The following SPAG16 variants were observed in gnomAD, a reference collection of about 807,000 sequenced individuals.
SPAG16 encodes the protein sperm associated antigen 16, also known as sperm-associated antigen 16 protein.
In SPAG16, 86 loss-of-function variants were observed where a neutral mutation model predicts 80.4. The ratio of observed to expected loss-of-function variants is 1.07; its 90% CI spans 0.90 to 1.28. The LOEUF is 1.28. Among genes scored for constraint, SPAG16 ranks in the 50% most tolerant of loss-of-function variants. SPAG16 has a pLI of 0.00. For missense variants in SPAG16, 870 were observed against 765.3 expected (o/e 1.14, Z -1.61); for synonymous variants, 294 against 265.9 (o/e 1.11, Z -1.03).
intron 10 of SPAG16, among the ~76,000 whole-genome samples, chr2:213,627,183 G>A (rs2061990898): frequency 6.6e-6 from 1 of 152,066 alleles, no homozygotes; most frequent in African/African-American, 2.4e-5. Context: ...TAGGATAGAA[G>A]CGGGATCCTC....
At chr2:213,459,544 A>G (rs867241451) in intron 9 of SPAG16, among the ~76,000 whole-genome samples, 5 of 152,192 alleles carry the variant, frequency 3.3e-5, no homozygotes, top group Non-Finnish European at 7.3e-5. Context: ...TATTCCTTGT[A>G]TGTAGCCCTC....
chr2:214,019,527 C>T (rs770792399), intron 13 of SPAG16, among the ~76,000 whole-genome samples: 7 of 152,070 alleles, frequency 4.6e-5, no homozygotes, highest in Non-Finnish European at 1.0e-4. Context: ...TTAGCTTTGG[C>T]CAAAAGATCC....
chr2:213,835,519 TC>T (rs2074025168), intron 10 of SPAG16, among the ~76,000 whole-genome samples: 1 of 152,154 alleles, frequency 6.6e-6, no homozygotes, highest in Non-Finnish European at 1.5e-5. Flanking sequence ...TTCTCTAGAA[TC>T]CATGCTAACA....
chr2:213,820,063 C>G (rs747079962), intron 10 of SPAG16, among the ~76,000 whole-genome samples: 1 of 151,394 alleles, frequency 6.6e-6, no homozygotes, highest in South Asian at 2.1e-4. Flanking sequence ...CAGGCGTGAG[C>G]CACCGTTGTT....
intron 15 of SPAG16, among the ~76,000 whole-genome samples, chr2:214,339,709 T>C (rs946374603): frequency 6.6e-6 from 1 of 152,252 alleles, no homozygotes; most frequent in Non-Finnish European, 1.5e-5. Context: ...TTTTAGAAAC[T>C]GACACTTTAT....
intron 15 of SPAG16, among the ~76,000 whole-genome samples, chr2:214,287,085 C>T (rs1468803725): frequency 6.6e-6 from 1 of 152,172 alleles, no homozygotes; most frequent in African/African-American, 2.4e-5. Flanking sequence ...CTTATAATTA[C>T]ACCATCAGAA....
intron 4 of SPAG16, 63 bp from the exon 5 acceptor site, chr2:213,317,156 C>T: frequency 9.2e-7 from 1 of 1,088,298 alleles, no homozygotes; most frequent in Non-Finnish European, 1.3e-6. Flanking sequence ...TTGAATTGTA[C>T]ATAAATTAAG....
chr2:213,939,430 T>A (rs577644108), intron 12 of SPAG16, among the ~76,000 whole-genome samples: 3 of 152,320 alleles, frequency 2.0e-5, no homozygotes, highest in Admixed American at 2.0e-4. Flanking sequence ...CAAGGGGGTA[T>A]CACTGAGAGT....
At chr2:213,859,319 A>G (rs1257623976) in intron 10 of SPAG16, among the ~76,000 whole-genome samples, 2 of 151,628 alleles carry the variant, frequency 1.3e-5, no homozygotes, top group Non-Finnish European at 2.9e-5. Context: ...CAGCATGTAC[A>G]TCTGCACAAA....
intron 10 of SPAG16, among the ~76,000 whole-genome samples, chr2:213,554,631 A>T (rs975451009): frequency 1.3e-5 from 2 of 152,116 alleles, no homozygotes; most frequent in African/African-American, 4.8e-5. Context: ...TAAATAAGAA[A>T]AATAATAAGC....
intron 15 of SPAG16, among the ~76,000 whole-genome samples, chr2:214,165,606 A>G (rs548277986): frequency 1.4e-5 from 2 of 147,940 alleles, no homozygotes; most frequent in African/African-American, 5.0e-5. Context: ...AAACTATTCT[A>G]TAATTTTTCT....
intron 15 of SPAG16, among the ~76,000 whole-genome samples, chr2:214,271,879 A>C (rs1692051551): frequency 6.8e-6 from 1 of 147,750 alleles, no homozygotes; most frequent in East Asian, 2.1e-4. Context: ...AAAAGGAAGA[A>C]TAGCAGGAGT....
At chr2:213,625,111 A>G (rs2061917176) in intron 10 of SPAG16, among the ~76,000 whole-genome samples, 1 of 152,226 alleles carries the variant, frequency 6.6e-6, no homozygotes, top group Admixed American at 6.5e-5. Context: ...TTAATTCTAA[A>G]TGGAGTGATA....
At chr2:213,583,513 T>G (rs1043702447) in intron 10 of SPAG16, among the ~76,000 whole-genome samples, 2 of 152,162 alleles carry the variant, frequency 1.3e-5, no homozygotes, top group African/African-American at 2.4e-5. Flanking sequence ...TCCACTCACA[T>G]GTGTGTATAA....
At chr2:213,765,109 T>G (rs2068862130) in intron 10 of SPAG16, among the ~76,000 whole-genome samples, 1 of 152,246 alleles carries the variant, frequency 6.6e-6, no homozygotes, top group Non-Finnish European at 1.5e-5. Context: ...GGCTCATGCC[T>G]GTAATCCCAG....
At position 213,942,013 on chromosome 2, in the gene SPAG16, G is replaced by T. The variant is rs751988175; in HGVS notation, c.1400+11868G>T. Among the ~76,000 whole-genome samples, 27 of 152,078 alleles carry T rather than the reference G, an allele frequency of 1.8e-4. 1 individual carries two copies. Among genetic ancestry groups the T allele is most frequent in the Non-Finnish European group, 3.1e-4 (21 of 68,020 alleles). ...CTGCAACAATTCTTTGATGCCAGTG[G>T]TATTAATAATTAATTGTTTACACCA... On this transcript the variant is annotated intron_variant, in intron 12 of 15. Coordinates refer to ENST00000331683, the MANE Select transcript of SPAG16 (RefSeq NM_024532.5).
Position 213,375,038 on chromosome 2 carries a change from A to G in SPAG16, c.861A>G (p.Ala287=). ...KVDHSREKEN[A]PEGPTQKGLR... The stretch of plus-strand genomic sequence containing the variant: ...ATCATAGTCGTGAAAAAGAAAATGC[A>G]CCAGAAGGTCCTACTCAGAAAGGTC... Residue 287 remains alanine (A), a synonymous_variant, in exon 9 of 16, where the codon GCA becomes GCG. Coordinates refer to ENST00000331683, the MANE Select transcript of SPAG16 (RefSeq NM_024532.5). The G allele has an allele frequency of 6.2e-7, 1 of 1,607,584 alleles. No individual in the cohort carries two copies. Among genetic ancestry groups the G allele is most frequent in the African/African-American group, 1.3e-5 (1 of 74,498 alleles).
chr2:213,430,109 T>C (rs1575570862), intron 9 of SPAG16, among the ~76,000 whole-genome samples: 1 of 152,254 alleles, frequency 6.6e-6, no homozygotes, highest in African/African-American at 2.4e-5. Context: ...CAATTCAGGA[T>C]ATAAATGAGA....
chr2:214,059,607 C>T (rs960561352), intron 13 of SPAG16, among the ~76,000 whole-genome samples: 9 of 151,854 alleles, frequency 5.9e-5, no homozygotes, highest in Admixed American at 1.3e-4. Flanking sequence ...TGACTATATC[C>T]GTTTGATGGT....
Sources: gnomAD v4.1 joint callset for allele counts (sites outside exome capture counted in the v4.1 genomes callset) on GRCh38, gnomAD v4.1.1 for gene constraint, MANE v1.5 for transcripts, NCBI Gene and HGNC (gene_info 2026-07-23, HGNC 2026-07-21) for gene names.